Variants in PCDHA10 observed in about 807,000 individuals in gnomAD.
PCDHA10 encodes the protein protocadherin alpha-10.
In PCDHA10, 45 loss-of-function variants were observed where a neutral mutation model predicts 61.2. The ratio of observed to expected loss-of-function variants is 0.74; its 90% CI spans 0.58 to 0.94. PCDHA10 has a LOEUF of 0.94. PCDHA10 is among the 40% of genes least tolerant of loss of function. The pLI is 0.00. For synonymous variants in PCDHA10, 602 were observed against 548.8 expected (o/e 1.10, Z -1.35); for missense variants, 1,278 against 1,236.2 (o/e 1.03, Z -0.51).
chr5:140,884,439 C>G (rs1554181562), intron 1 of PCDHA10: 2 of 1,613,818 alleles, frequency 1.2e-6, no homozygotes, highest in East Asian at 2.2e-5. Context: ...CTGCGGTGCT[C>G]GGCACCGCCC....
chr5:140,999,527 C>T (rs578180518), intron 3 of PCDHA10, among the ~76,000 whole-genome samples: 27 of 152,206 alleles, frequency 1.8e-4, no homozygotes, highest in African/African-American at 5.8e-4. Flanking sequence ...TTGTTACCCC[C>T]TGGATATGAC....
intron 1 of PCDHA10, chr5:140,882,774 C>T (rs782785084): frequency 1.2e-6 from 2 of 1,614,228 alleles, no homozygotes; most frequent in Non-Finnish European, 1.7e-6. Flanking sequence ...TCGGCATTGA[C>T]CTACCGACTG....
At chr5:140,985,227 G>A (rs557750656) in intron 3 of PCDHA10, among the ~76,000 whole-genome samples, 5 of 152,206 alleles carry the variant, frequency 3.3e-5, no homozygotes, top group Non-Finnish European at 2.9e-5. Flanking sequence ...GTGAGCCACC[G>A]CGCCTGGCCT....
intron 3 of PCDHA10, among the ~76,000 whole-genome samples, chr5:141,009,356 G>T (rs535761188): frequency 7.9e-5 from 12 of 152,204 alleles, no homozygotes; most frequent in Non-Finnish European, 1.6e-4. Context: ...CTACTTGGGA[G>T]GCTAAGATGG....
chr5:140,858,424 C>T lies in PCDHA10; in HGVS notation c.2376C>T (p.Asp792=). The change falls in exon 1 of 4, where the codon GAC becomes GAT. Residue 792 remains aspartate (D), a synonymous_variant. Coordinates refer to ENST00000307360, the MANE Select transcript of PCDHA10 (RefSeq NM_018901.4). The part of the protein sequence containing the change: ...VDGEDQSIGG[D]HSRKPRQPNP... ...GGGAAGATCAGTCTATTGGAGGGGACCACTCTAGGAAGGTGGGTTATTACG... is the reference window on the plus strand; with the variant it reads ...GGGAAGATCAGTCTATTGGAGGGGATCACTCTAGGAAGGTGGGTTATTACG... The T allele has an allele frequency of 1.9e-6, 3 of 1,553,410 alleles. No homozygotes were observed. Among genetic ancestry groups the T allele is most frequent in the Non-Finnish European group, 2.6e-6 (3 of 1,140,964 alleles).
rs2056928091 is a variant in PCDHA10 at position 140,877,191 on chromosome 5, A to C, written c.2388+18755A>C. 3 of 1,613,798 alleles carry C rather than the reference A, an allele frequency of 1.9e-6. No individual in the cohort carries two copies. The South Asian group carries it at 3.3e-5, about 18-fold the overall frequency. Reference sequence around the variant, plus strand: ...TGCTGGCGACTCCGGCTGGCAGCGCAGGAGGCGCAGTTAGCGAGTTGGTAC... The same window carrying C: ...TGCTGGCGACTCCGGCTGGCAGCGCCGGAGGCGCAGTTAGCGAGTTGGTAC... On this transcript the variant is annotated intron_variant, in intron 1 of 3. Transcript: ENST00000307360.
chr5:140,869,903 C>G, intron 1 of PCDHA10: 1 of 1,610,648 alleles, frequency 6.2e-7, no homozygotes. Flanking sequence ...CTAAACGCCA[C>G]AGACCGAGAC....
chr5:140,869,361 G>T, intron 1 of PCDHA10: 1 of 1,614,146 alleles, frequency 6.2e-7, no homozygotes, highest in Non-Finnish European at 8.5e-7. Context: ...TTTTGTTTGT[G>T]AATTCTCGGA....
Position 140,857,323 on chromosome 5 carries a change from C to A in PCDHA10, c.1275C>A (p.Thr425=), listed in dbSNP as rs782769711. 1.5e-5 allele frequency: 24 copies of A among 1,598,498 alleles called. 1 individual carries two copies. The East Asian group carries it at 5.1e-4, about 34-fold the overall frequency. Residue 425 remains threonine (T), a synonymous_variant, in exon 1 of 4, where the codon ACC becomes ACA. Transcript: ENST00000307360. ...ERVSAYELVV[T]ARDGGSPPLW... ...TGTCGGCCTATGAGCTGGTGGTGAC[C>A]GCGCGGGACGGGGGCTCGCCTCCGC...
intron 1 of PCDHA10, chr5:140,969,003 G>A: frequency 6.2e-7 from 1 of 1,614,226 alleles, no homozygotes; most frequent in Admixed American, 1.7e-5. Context: ...GGAGGCTTCT[G>A]TGGAGTAAGG....
chr5:140,941,960 A>G (rs569784391), intron 1 of PCDHA10, among the ~76,000 whole-genome samples: 6 of 152,354 alleles, frequency 3.9e-5, no homozygotes, highest in African/African-American at 1.4e-4. Flanking sequence ...AAACAATAGT[A>G]TCTTTACTTT....
chr5:140,948,637 T>C (rs2094284946), intron 1 of PCDHA10, among the ~76,000 whole-genome samples: 1 of 151,712 alleles, frequency 6.6e-6, no homozygotes, highest in Non-Finnish European at 1.5e-5. Context: ...TATTCTCTCA[T>C]CTTTTAACGT....
At chr5:140,880,231 A>G (rs2058275588) in intron 1 of PCDHA10, among the ~76,000 whole-genome samples, 1 of 152,266 alleles carries the variant, frequency 6.6e-6, no homozygotes, top group South Asian at 2.1e-4. Context: ...CATTTAAATT[A>G]GTGTATGTGC....
At chr5:140,871,654 A>G in intron 1 of PCDHA10, 3 of 1,238,202 alleles carry the variant, frequency 2.4e-6, no homozygotes, top group East Asian at 2.6e-5. Context: ...CAAATGATAC[A>G]CATCTTCAGT....
In PCDHA10 at chr5:140,862,844, C is replaced by T. The variant is rs782433146; in HGVS notation, c.2388+4408C>T. 8 of 571,262 alleles carry T rather than the reference C, an allele frequency of 1.4e-5. No homozygotes were observed. In the East Asian group the frequency reaches 3.8e-4, roughly 27 times the overall value. The allele number at this position is 571,262 out of a possible 1,614,324, so 35.4% of individuals were successfully genotyped here. ...AGAGCGCGCGACGCGGGCATGCCGC[C>T]TCTGAGCAGCAATGTGACGCTGCCA... is the stretch of plus-strand genomic sequence containing the variant. On this transcript the variant is annotated intron_variant, in intron 1 of 3. Coordinates refer to ENST00000307360, the MANE Select transcript of PCDHA10 (RefSeq NM_018901.4).
chr5:141,006,275 G>A (rs782763386), intron 3 of PCDHA10, among the ~76,000 whole-genome samples: 1 of 151,772 alleles, frequency 6.6e-6, no homozygotes. Flanking sequence ...GCAGTGGCAC[G>A]ATCTCAGCTC....
At chr5:141,009,166 T>C (rs949376056) in intron 3 of PCDHA10, among the ~76,000 whole-genome samples, 98 of 152,230 alleles carry the variant, frequency 6.4e-4, no homozygotes, top group African/African-American at 2.2e-3. Context: ...CTGTAAATAC[T>C]GGCCTTGGCT....
At chr5:140,928,711 A>C in intron 1 of PCDHA10, 1 of 1,614,098 alleles carries the variant, frequency 6.2e-7, no homozygotes, top group South Asian at 1.1e-5. Flanking sequence ...GTCTGACTCT[A>C]GTCTCTTTAG....
intron 1 of PCDHA10, among the ~76,000 whole-genome samples, chr5:140,872,922 T>C (rs1468048382): frequency 6.6e-6 from 1 of 152,218 alleles, no homozygotes; most frequent in African/African-American, 2.4e-5. Flanking sequence ...ATGCCTTATC[T>C]CTAATGTTTT....
Sources: gnomAD v4.1 joint callset for allele counts (sites outside exome capture counted in the v4.1 genomes callset) on GRCh38, gnomAD v4.1.1 for gene constraint, MANE v1.5 for transcripts, NCBI Gene and HGNC (gene_info 2026-07-23, HGNC 2026-07-21) for gene names.